The following ALDH1L1 variants were observed in gnomAD, a reference collection of about 807,000 sequenced individuals.
ALDH1L1 encodes the protein cytosolic 10-formyltetrahydrofolate dehydrogenase.
A neutral mutation model predicts 101.1 loss-of-function variants in ALDH1L1; 68 were observed. That is an observed-to-expected ratio of 0.67 (90% CI 0.55 to 0.82). ALDH1L1 has a LOEUF of 0.82. Ranked by LOEUF, ALDH1L1 falls within the 40% of genes least tolerant of loss-of-function variation. ALDH1L1 has a pLI of 0.00. For synonymous variants in ALDH1L1, 486 were observed against 470.8 expected (o/e 1.03, Z -0.42); for missense variants, 1,087 against 1,172.7 (o/e 0.93, Z 1.07).
chr3:126,155,336 G>A lies in ALDH1L1; in HGVS notation c.630+66C>T, dbSNP rs1009692925. The A allele has an allele frequency of 9.7e-6, 14 of 1,449,160 alleles. No individual in the cohort carries two copies. In the South Asian group the frequency reaches 1.4e-4, roughly 15 times the overall value. The allele number at this position is 1,449,160 out of a possible 1,614,324, so 89.8% of individuals were successfully genotyped here. A position where few individuals can be genotyped will look rare whatever the true frequency, so the allele number is the denominator to read the frequency against. On this transcript the variant is annotated intron_variant, in intron 5 of 22. Coordinates refer to ENST00000393434, the MANE Select transcript of ALDH1L1 (RefSeq NM_012190.4). ...TCTGGGCTGAACCCCAGCCTCCTCA[G>A]GCTGCCCTCTACAACCCCAGTCTGC...
At chr3:126,130,126 G>T in intron 14 of ALDH1L1, 97 bp downstream of exon 14, 1 of 1,154,068 alleles carries the variant, frequency 8.7e-7, no homozygotes, top group Non-Finnish European at 1.2e-6. Flanking sequence ...ATAAATGCAC[G>T]CACAGGGTGC....
At chr3:126,182,098 T>A (rs1252355005), upstream of ALDH1L1, among the ~76,000 whole-genome samples, 1 of 152,188 alleles carries the variant, frequency 6.6e-6, no homozygotes, top group African/African-American at 2.4e-5. Flanking sequence ...CTCCATTATG[T>A]GATCACAGAG....
chr3:126,107,359 G>A (rs1945916584), intron 20 of ALDH1L1, 113 bp from the exon 21 acceptor site: 2 of 829,036 alleles, frequency 2.4e-6, no homozygotes, highest in Admixed American at 1.8e-5. Context: ...CCCGACATAA[G>A]CACCGGGTCA....
intron 9 of ALDH1L1, 146 bp from the exon 10 acceptor site, chr3:126,138,106 G>A: frequency 9.6e-7 from 1 of 1,043,082 alleles, no homozygotes; most frequent in African/African-American, 1.6e-5. Context: ...TGGGGAGAAG[G>A]GCTCAGGCTG....
At chr3:126,106,328 A>C (rs1034451549) in intron 21 of ALDH1L1, among the ~76,000 whole-genome samples, 7 of 152,206 alleles carry the variant, frequency 4.6e-5, no homozygotes, top group African/African-American at 9.6e-5. Flanking sequence ...CTCTTATTCT[A>C]ATACCACTGA....
chr3:126,111,843 T>C (rs1474329490), intron 19 of ALDH1L1, among the ~76,000 whole-genome samples: 1 of 152,144 alleles, frequency 6.6e-6, no homozygotes, highest in Non-Finnish European at 1.5e-5. Context: ...TGGGGGGCGG[T>C]GCTCTTCGCG....
In ALDH1L1 at chr3:126,131,380, C is replaced by A. The variant is rs1377897649; in HGVS notation, c.1623+4G>T. 1 of 1,592,260 alleles carries A rather than the reference C, an allele frequency of 6.3e-7. No homozygotes were observed. The highest frequency in any genetic ancestry group is 1.1e-5 in the South Asian group (1 of 89,696). ...CTCACACTGGGTGGGAGCCTGGGCC[C>A]CACCTGGATCTTGTCACACCAGCCA... On this transcript the variant is annotated splice_donor_region_variant and intron_variant, in intron 13 of 22. Transcript: ENST00000393434.
intron 1 of ALDH1L1, among the ~76,000 whole-genome samples, chr3:126,175,302 A>C (rs1023641796): frequency 1.3e-5 from 2 of 152,164 alleles, no homozygotes; most frequent in Non-Finnish European, 2.9e-5. Context: ...CATTTAAGAA[A>C]GAAATTATGC....
rs763008093 is a variant in ALDH1L1, at chr3:126,118,011, A to C, written c.1976T>G (p.Met659Arg). ...TGSTEVGKHI[M>R]KSCAISNVKK... ...TCCACCCCCAGCCACGCACCTTTTC[A>C]TGATGTGCTTGCCCACCTCTGTGGA... The change falls in exon 17 of 23, where the codon ATG becomes AGG. Residue 659 changes from methionine (M) to arginine (R), a missense_variant. By Grantham distance (91) the Met-to-Arg change is moderately conservative. Around this residue, in one of 2 missense-constraint regions of ALDH1L1, gnomAD observed 442 missense variants for 535.7 expected, o/e 0.83. Coordinates refer to ENST00000393434, the MANE Select transcript of ALDH1L1 (RefSeq NM_012190.4). 1.9e-6 allele frequency: 3 copies of C among 1,613,384 alleles called. No individual in the cohort carries two copies. Among genetic ancestry groups the C allele is most frequent in the Non-Finnish European group, 2.5e-6 (3 of 1,179,754 alleles).
At chr3:126,138,255 G>A (rs76718953) in intron 9 of ALDH1L1, among the ~76,000 whole-genome samples, 2 of 152,130 alleles carry the variant, frequency 1.3e-5, no homozygotes, top group South Asian at 2.1e-4. Flanking sequence ...GCTATTTTGC[G>A]ATGAGTAAAT....
intron 7 of ALDH1L1, 69 bp downstream of exon 7, chr3:126,153,375 A>C (rs1382427948): frequency 6.9e-6 from 11 of 1,602,968 alleles, no homozygotes; most frequent in Admixed American, 1.7e-5. Context: ...TCTTCCTGTG[A>C]GGCCTGAGTC....
At chr3:126,169,025 C>T (rs1005433566) in intron 1 of ALDH1L1, among the ~76,000 whole-genome samples, 5 of 152,004 alleles carry the variant, frequency 3.3e-5, no homozygotes, top group African/African-American at 7.3e-5. Context: ...CTTTAACAAG[C>T]GCTCTCAAAG....
At chr3:126,166,105 TGGCAATA>T (rs1169127736) in intron 1 of ALDH1L1, among the ~76,000 whole-genome samples, 2 of 152,222 alleles carry the variant, frequency 1.3e-5, no homozygotes, top group African/African-American at 4.8e-5. Context: ...TCAGAGATTC[TGGCAATA>T]GGTTCCCCAT....
chr3:126,143,917 A>G (rs1235583233), intron 9 of ALDH1L1, among the ~76,000 whole-genome samples: 1 of 152,242 alleles, frequency 6.6e-6, no homozygotes, highest in Non-Finnish European at 1.5e-5. Flanking sequence ...GTTCCAGCCT[A>G]AGTGACAGAG....
In ALDH1L1 at chr3:126,125,651, CCAGG is replaced by C; in HGVS notation, c.1761_1764del (p.Cys587TrpfsTer8). On this transcript the variant is annotated frameshift_variant, in exon 15 of 23. Coordinates refer to ENST00000393434, the MANE Select transcript of ALDH1L1 (RefSeq NM_012190.4). LOFTEE classifies it high-confidence loss of function. ...TTGATCACCACTGTGTTCCCGGCAG[CCAGG>C]CAGGCAGCTGTCTTCCAGGACAGCA... 1 of 1,598,358 alleles carries C rather than the reference CCAGG, an allele frequency of 6.3e-7. No individual in the cohort carries two copies. The highest frequency in any genetic ancestry group is 1.1e-5 in the South Asian group (1 of 88,566).
rs935056504 is a variant in ALDH1L1 at position 126,157,508 on chromosome 3, C to T, written c.363G>A (p.Trp121Ter). 3.1e-6 allele frequency: 5 copies of T among 1,613,074 alleles called. No individual in the cohort carries two copies. Among genetic ancestry groups the T allele is most frequent in the Non-Finnish European group, 3.4e-6 (4 of 1,179,592 alleles). The change falls in exon 4 of 23, where the codon TGG (tryptophan) becomes TGA (stop). Residue 121 changes from tryptophan to a stop codon, truncating the protein, a stop_gained and splice_region_variant. Transcript: ENST00000393434. LOFTEE classifies it high-confidence loss of function. The stretch of plus-strand genomic sequence containing the variant: ...CTTTCTTATCTCCGTGAATGAGGGT[C>T]CTAGGAAGCAGAAGAGTGAAACCTG... Reference protein sequence around the residue: ...PRHRGASAINWTLIHGDKKGG... With the variant: ...PRHRGASAIN
At chr3:126,171,637 G>A (rs1331121798) in intron 1 of ALDH1L1, among the ~76,000 whole-genome samples, 1 of 152,124 alleles carries the variant, frequency 6.6e-6, no homozygotes, top group African/African-American at 2.4e-5. Context: ...TTGGCAGGAG[G>A]CAAGGAAAGC....
intron 1 of ALDH1L1, among the ~76,000 whole-genome samples, chr3:126,172,763 AC>A (rs2081303414): frequency 6.9e-6 from 1 of 145,786 alleles, no homozygotes. Flanking sequence ...ATCACCCCCC[AC>A]CCCCCAAAAA....
At chr3:126,177,564 GGT>G (rs2108338306) in intron 1 of ALDH1L1, among the ~76,000 whole-genome samples, 1 of 152,254 alleles carries the variant, frequency 6.6e-6, no homozygotes, top group African/African-American at 2.4e-5. Flanking sequence ...GGGGTTGGGG[GGT>G]GGATGGGTAG....
Sources: gnomAD v4.1 joint callset for allele counts (sites outside exome capture counted in the v4.1 genomes callset) on GRCh38, gnomAD v4.1.1 for gene constraint, gnomAD v4.1.1 regional missense constraint, MANE v1.5 for transcripts, NCBI Gene and HGNC (gene_info 2026-07-23, HGNC 2026-07-21) for gene names.